The following HS3ST4 variants were observed in gnomAD, a reference collection of about 807,000 sequenced individuals.
The protein encoded by HS3ST4 is heparan sulfate glucosamine 3-O-sulfotransferase 4.
A neutral mutation model predicts 29.2 loss-of-function variants in HS3ST4; 17 were observed. The ratio of observed to expected loss-of-function variants is 0.58; its 90% CI spans 0.40 to 0.87. The LOEUF (loss-of-function observed/expected upper bound fraction) is 0.87. Among genes scored for constraint, HS3ST4 ranks in the 40% least tolerant of loss-of-function variants. The pLI is 0.00. For synonymous variants in HS3ST4, 314 were observed against 285.7 expected (o/e 1.10, Z -1.00); for missense variants, 627 against 634.5 (o/e 0.99, Z 0.13).
At chr16:25,712,680 A>C (rs1420489440) in intron 1 of HS3ST4, among the ~76,000 whole-genome samples, 1 of 152,182 alleles carries the variant, frequency 6.6e-6, no homozygotes, top group African/African-American at 2.4e-5. Flanking sequence ...GTTAAAAAAA[A>C]ACAAAAACCC....
chr16:25,832,750 A>T (rs1197237472), intron 1 of HS3ST4, among the ~76,000 whole-genome samples: 2 of 152,236 alleles, frequency 1.3e-5, no homozygotes, highest in Non-Finnish European at 2.9e-5. Flanking sequence ...AGTACTGATT[A>T]CCTTAGAAAG....
At chr16:25,710,895 C>T (rs78674734) in intron 1 of HS3ST4, among the ~76,000 whole-genome samples, 7,560 of 141,842 alleles carry the variant, frequency 0.053, 203 homozygotes, top group Non-Finnish European at 0.06. Flanking sequence ...TAGCTCACTG[C>T]AGCCTAGAAC....
intron 1 of HS3ST4, among the ~76,000 whole-genome samples, chr16:25,727,384 C>T (rs73524773): frequency 0.013 from 2,012 of 152,206 alleles, 21 homozygotes; most frequent in Middle Eastern, 0.031. Flanking sequence ...TGCAGAGTGA[C>T]ATGTAGTATA....
chr16:26,059,751 G>T (rs1898452880), intron 1 of HS3ST4, among the ~76,000 whole-genome samples: 1 of 152,126 alleles, frequency 6.6e-6, no homozygotes, highest in South Asian at 2.1e-4. Context: ...AAACGCGCTA[G>T]TATTATTATT....
chr16:25,742,047 C>G (rs557337673), intron 1 of HS3ST4, among the ~76,000 whole-genome samples: 21 of 152,152 alleles, frequency 1.4e-4, no homozygotes, highest in Non-Finnish European at 2.8e-4. Context: ...GAATAGTGAC[C>G]GTTACTCTCA....
At chr16:26,125,547 C>T (rs59773168) in intron 1 of HS3ST4, among the ~76,000 whole-genome samples, 1,917 of 152,314 alleles carry the variant, frequency 0.013, 37 homozygotes, top group African/African-American at 0.044. Context: ...TGCAGCCCAG[C>T]GGTTGGGGAC....
chr16:25,723,939 C>T (rs568059242), intron 1 of HS3ST4, among the ~76,000 whole-genome samples: 1 of 152,160 alleles, frequency 6.6e-6, no homozygotes, highest in East Asian at 1.9e-4. Flanking sequence ...TGGTGAAACC[C>T]TGTCTCTACT....
intron 1 of HS3ST4, among the ~76,000 whole-genome samples, chr16:26,026,044 G>A (rs1453130391): frequency 6.6e-6 from 1 of 152,144 alleles, no homozygotes; most frequent in East Asian, 1.9e-4. Context: ...AAGTAGCTGG[G>A]ACTACAGGCG....
chr16:25,701,082 A>C (rs1386358542), intron 1 of HS3ST4, among the ~76,000 whole-genome samples: 1 of 152,192 alleles, frequency 6.6e-6, no homozygotes, highest in Non-Finnish European at 1.5e-5. Flanking sequence ...AAATGATGTC[A>C]CTAGGCCCCT....
rs1268319037 is a variant in HS3ST4 at position 25,692,388 on chromosome 16, C to T, written c.-30C>T. On this transcript the variant is annotated 5_prime_UTR_variant, in exon 1 of 2. Coordinates refer to ENST00000331351, the MANE Select transcript of HS3ST4 (RefSeq NM_006040.3). The stretch of plus-strand genomic sequence containing the variant: ...GGGCAGCGCCGGGGGCTGCCGCCGC[C>T]GCCGCCGCCGCCGCGAGCCGGGAGC... 8 of 715,916 alleles carry T rather than the reference C, an allele frequency of 1.1e-5. No individual in the cohort carries two copies. The East Asian group carries it at 6.6e-4, about 59-fold the overall frequency. The allele number at this position is 715,916 out of a possible 1,614,324, so 44.3% of individuals were successfully genotyped here.
In HS3ST4 at chr16:26,133,346, A is replaced by C. The variant is rs187687087; in HGVS notation, c.735-2266A>C. 3.3e-3 allele frequency among the ~76,000 whole-genome samples: 510 copies of C among 152,342 alleles called. 2 individuals carry two copies. The highest frequency in any genetic ancestry group is 6.3e-3 in the Non-Finnish European group (427 of 68,034). ...GAAACATTAAGGGTCAAAATGGGTT[A>C]AGTAACTTCATCAAGGTAGCATGGG... On this transcript the variant is annotated intron_variant, in intron 1 of 1. Coordinates refer to ENST00000331351, the MANE Select transcript of HS3ST4 (RefSeq NM_006040.3).
intron 1 of HS3ST4, among the ~76,000 whole-genome samples, chr16:25,858,596 A>T (rs1007187994): frequency 6.6e-6 from 1 of 151,872 alleles, no homozygotes; most frequent in African/African-American, 2.4e-5. Context: ...GCTTTTTTTT[A>T]ATTTTAGTAG....
In HS3ST4 at chr16:25,824,995, G is replaced by A. The variant is rs993828091; in HGVS notation, c.734+131844G>A. On this transcript the variant is annotated intron_variant, in intron 1 of 1. Coordinates refer to ENST00000331351, the MANE Select transcript of HS3ST4 (RefSeq NM_006040.3). ...ACAGATGTGATCAAGTTAAGATGAAGTCATATTGGATAGGATGAGCCCTAA... is the reference window on the plus strand; with the variant it reads ...ACAGATGTGATCAAGTTAAGATGAAATCATATTGGATAGGATGAGCCCTAA... 11 of 152,302 alleles carry A rather than the reference G, an allele frequency of 7.2e-5. No homozygotes were observed. The East Asian group carries it at 2.1e-3, about 29-fold the overall frequency. The allele number at this position is 152,302 out of a possible 1,614,324, so 9.4% of individuals were successfully genotyped here.
intron 1 of HS3ST4, among the ~76,000 whole-genome samples, chr16:26,075,704 C>T (rs1043958604): frequency 1.3e-5 from 2 of 152,112 alleles, no homozygotes; most frequent in East Asian, 1.9e-4. Context: ...GCTTGGAATC[C>T]GTTTTTCTTA....
chr16:25,813,609 G>C (rs891304681), intron 1 of HS3ST4, among the ~76,000 whole-genome samples: 1 of 152,090 alleles, frequency 6.6e-6, no homozygotes, highest in Admixed American at 6.5e-5. Flanking sequence ...CAAATAAACA[G>C]ACAAAAACAT....
intron 1 of HS3ST4, among the ~76,000 whole-genome samples, chr16:26,054,736 G>A (rs1432000045): frequency 6.6e-6 from 1 of 152,076 alleles, no homozygotes; most frequent in Non-Finnish European, 1.5e-5. Context: ...TTGTGGCTAT[G>A]GGTTCCACCA....
chr16:25,938,478 C>T (rs985058610), intron 1 of HS3ST4, among the ~76,000 whole-genome samples: 4 of 152,086 alleles, frequency 2.6e-5, no homozygotes, highest in African/African-American at 9.7e-5. Flanking sequence ...GCACATCTAT[C>T]TCTTGCTCAA....
chr16:25,769,572 T>C (rs1966839430), intron 1 of HS3ST4, among the ~76,000 whole-genome samples: 1 of 152,188 alleles, frequency 6.6e-6, no homozygotes, highest in Non-Finnish European at 1.5e-5. Context: ...CAGCAGGTGG[T>C]ACCAGGCAGG....
At chr16:25,793,737 A>G (rs572208757) in intron 1 of HS3ST4, among the ~76,000 whole-genome samples, 9 of 152,096 alleles carry the variant, frequency 5.9e-5, no homozygotes, top group African/African-American at 1.7e-4. Context: ...GATGCTTTCA[A>G]TTGGTGTATT....
Sources: allele counts gnomAD v4.1 joint callset (sites outside exome capture counted in the v4.1 genomes callset), GRCh38; gene constraint gnomAD v4.1.1; transcripts MANE v1.5; gene names NCBI Gene and HGNC (gene_info 2026-07-23, HGNC 2026-07-21).